Variants in ATF1 observed in about 807,000 individuals in gnomAD.
ATF1 encodes cyclic AMP-dependent transcription factor ATF-1.
ATF1 carries 16 observed loss-of-function variants against 34.7 expected under a neutral mutation model. The ratio of observed to expected loss-of-function variants is 0.46; its 90% CI spans 0.31 to 0.70. The LOEUF is 0.70. Among genes scored for constraint, ATF1 ranks in the 30% least tolerant of loss-of-function variants. ATF1 has a pLI of 0.05. For missense variants in ATF1, 255 were observed against 321.6 expected (o/e 0.79, Z 1.58); for synonymous variants, 105 against 113.1 (o/e 0.93, Z 0.46).
At chr12:50,809,079 A>G (rs10876095) in intron 3 of ATF1, among the ~76,000 whole-genome samples, 36,703 of 151,878 alleles carry the variant, frequency 0.24, 5,078 homozygotes, top group East Asian at 0.4. Context: ...AAGTTTTAGG[A>G]ATTTCTTTTT....
chr12:50,814,069 G>A lies in ATF1; in HGVS notation c.388G>A (p.Gly130Arg). 1 of 1,614,124 alleles carries A rather than the reference G, an allele frequency of 6.2e-7. No individual in the cohort carries two copies. The highest frequency in any genetic ancestry group is 8.5e-7 in the Non-Finnish European group (1 of 1,180,026). The part of the protein sequence containing the change: ...LASPGTDGVQ[G>R]LQTLTMTNSG... ...AAGTCCAGGCACAGATGGAGTACAG[G>A]GACTTCAGACATTAACCATGACAAA... The change falls in exon 5 of 7, where the codon GGA becomes AGA. Residue 130 changes from glycine (G) to arginine (R), a missense_variant. Gly to Arg is a moderately radical substitution (Grantham distance 125). Transcript: ENST00000262053.
intron 2 of ATF1, among the ~76,000 whole-genome samples, chr12:50,794,821 A>G (rs1462511744): frequency 6.6e-6 from 1 of 152,042 alleles, no homozygotes; most frequent in East Asian, 1.9e-4. Flanking sequence ...CAGGAGGCTC[A>G]GGCTGGAAGA....
At chr12:50,783,835 C>T (rs570133034) in intron 2 of ATF1, among the ~76,000 whole-genome samples, 2 of 148,972 alleles carry the variant, frequency 1.3e-5, no homozygotes, top group East Asian at 3.9e-4. Context: ...CCACTGTACT[C>T]CAGACTGGGC....
intron 2 of ATF1, among the ~76,000 whole-genome samples, chr12:50,782,890 A>C (rs57729468): frequency 0.25 from 38,538 of 151,326 alleles, 5,471 homozygotes; most frequent in Non-Finnish European, 0.32. Context: ...GGGTTTCACC[A>C]TATTGACCAG....
intron 3 of ATF1, among the ~76,000 whole-genome samples, chr12:50,802,632 GGA>G: frequency 6.6e-6 from 1 of 152,122 alleles, no homozygotes; most frequent in Admixed American, 6.5e-5. Context: ...CAGCACTTTG[GGA>G]GGTCAAGGTG....
intron 2 of ATF1, among the ~76,000 whole-genome samples, chr12:50,790,908 T>C (rs765003092): frequency 1.3e-5 from 2 of 152,100 alleles, no homozygotes; most frequent in Admixed American, 6.5e-5. Context: ...AAAGGATTCA[T>C]AACAGCAAGT....
chr12:50,796,151 C>A, intron 3 of ATF1, 142 bp downstream of exon 3: 1 of 679,580 alleles, frequency 1.5e-6, no homozygotes. Context: ...TAATCCCAAC[C>A]CTTTCGGAGG....
chr12:50,811,366 C>A (rs1246140965), intron 4 of ATF1, among the ~76,000 whole-genome samples: 2 of 152,028 alleles, frequency 1.3e-5, no homozygotes, highest in African/African-American at 2.4e-5. Context: ...AATATAAGAT[C>A]CTTAAGGGAA....
chr12:50,819,581 A>G, intron 6 of ATF1, 54 bp from the exon 7 acceptor site: 1 of 1,582,858 alleles, frequency 6.3e-7, no homozygotes, highest in Non-Finnish European at 8.6e-7. Context: ...AACATTTACC[A>G]TTTAAAGAAT....
chr12:50,771,340 A>G (rs1002382082), intron 1 of ATF1, among the ~76,000 whole-genome samples: 2 of 152,114 alleles, frequency 1.3e-5, no homozygotes, highest in South Asian at 2.1e-4. Flanking sequence ...TATTGCTGTT[A>G]TACTTTTTGT....
At chr12:50,816,130 T>A (rs983350680) in intron 6 of ATF1, among the ~76,000 whole-genome samples, 2 of 150,982 alleles carry the variant, frequency 1.3e-5, no homozygotes, top group African/African-American at 4.9e-5. Flanking sequence ...AGCCTAGGAG[T>A]TCAATGCAAG....
chr12:50,808,297 G>A (rs751024974), intron 3 of ATF1, among the ~76,000 whole-genome samples: 10 of 151,524 alleles, frequency 6.6e-5, no homozygotes, highest in African/African-American at 1.7e-4. Context: ...TACCTACTTC[G>A]TTTGGAGAAC....
At position 50,820,996 on chromosome 12, in the gene ATF1, T is replaced by C. The variant is rs1040360636; in HGVS notation, c.*1217T>C. The C allele has an allele frequency of 5.5e-5, 10 of 180,576 alleles. No individual in the cohort carries two copies. The highest frequency in any genetic ancestry group is 2.1e-4 in the African/African-American group (9 of 42,402). The allele number at this position is 180,576 out of a possible 1,614,324, so 11.2% of individuals were successfully genotyped here. A position where few individuals can be genotyped will look rare whatever the true frequency, so the allele number is the denominator to read the frequency against. On this transcript the variant is annotated 3_prime_UTR_variant, in exon 7 of 7. Coordinates refer to ENST00000262053, the MANE Select transcript of ATF1 (RefSeq NM_005171.5). Reference sequence around the variant, plus strand: ...ATCTAAAATTCAAAAATACTGTCAGTACACCAGCGTTTAACATCTATATTC... The same window carrying C: ...ATCTAAAATTCAAAAATACTGTCAGCACACCAGCGTTTAACATCTATATTC...
At chr12:50,810,286 C>T (rs1277115771) in intron 4 of ATF1, among the ~76,000 whole-genome samples, 1 of 141,474 alleles carries the variant, frequency 7.1e-6, no homozygotes, top group African/African-American at 2.6e-5. Flanking sequence ...GCCATGATCT[C>T]GGCTCACTGC....
chr12:50,765,075 A>T (rs1452554754), intron 1 of ATF1, among the ~76,000 whole-genome samples: 1 of 152,150 alleles, frequency 6.6e-6, no homozygotes, highest in East Asian at 1.9e-4. Context: ...AAATGATTGC[A>T]ATGTGAAATA....
rs201432902 is a variant in ATF1 at position 50,813,121 on chromosome 12, T to C, written c.329-889T>C. On this transcript the variant is annotated intron_variant, in intron 4 of 6. Transcript: ENST00000262053. Reference sequence around the variant, plus strand: ...ATGTTTTCTATTTGATCATGCCTTATGGGCATTTAAGGGCTGAGGAGAAAG... The same window carrying C: ...ATGTTTTCTATTTGATCATGCCTTACGGGCATTTAAGGGCTGAGGAGAAAG... Among the ~76,000 whole-genome samples, 3 of 152,340 alleles carry C rather than the reference T, an allele frequency of 2.0e-5. No individual in the cohort carries two copies. The East Asian group carries it at 5.8e-4, about 29-fold the overall frequency.
chr12:50,789,703 C>T (rs1408024656), intron 2 of ATF1, among the ~76,000 whole-genome samples: 1 of 151,908 alleles, frequency 6.6e-6, no homozygotes, highest in East Asian at 1.9e-4. Flanking sequence ...TGCAGGGAGC[C>T]GAGATTGTGC....
intron 3 of ATF1, among the ~76,000 whole-genome samples, chr12:50,802,838 C>T (rs947484306): frequency 3.1e-5 from 4 of 130,276 alleles, no homozygotes; most frequent in Admixed American, 2.6e-4. Context: ...CACCACTGTA[C>T]TCCAGCCTGG....
chr12:50,787,955 T>C (rs1325764185), intron 2 of ATF1, among the ~76,000 whole-genome samples: 1 of 152,138 alleles, frequency 6.6e-6, no homozygotes, highest in Non-Finnish European at 1.5e-5. Flanking sequence ...ATCAAAGTCA[T>C]GTGACTAGAT....
Sources: gnomAD v4.1 joint callset for allele counts (sites outside exome capture counted in the v4.1 genomes callset) on GRCh38, gnomAD v4.1.1 for gene constraint, MANE v1.5 for transcripts, NCBI Gene and HGNC (gene_info 2026-07-23, HGNC 2026-07-21) for gene names.